SLC9A9: variants seen among roughly 807,000 people sequenced by gnomAD.
SLC9A9 encodes the protein sodium/hydrogen exchanger 9.
In SLC9A9, 62 loss-of-function variants were observed where a neutral mutation model predicts 77.8. That is an observed-to-expected ratio of 0.80 (90% confidence interval 0.65 to 0.98). The LOEUF (loss-of-function observed/expected upper bound fraction) is 0.98, where lower values mean the gene tolerates loss of function less well. SLC9A9 is among the 50% of genes least tolerant of loss of function. The pLI is 0.00. For missense variants in SLC9A9, 775 were observed against 774.9 expected, an observed-to-expected ratio of 1.00 and a Z score of 0.00; for synonymous variants, 320 against 283.5, an observed-to-expected ratio of 1.13 and a Z score of -1.29.
At chr3:143,404,923 G>T (rs373782404) in intron 12 of SLC9A9, among the ~76,000 whole-genome samples, 1 of 152,154 alleles carries the variant, frequency 6.6e-6, no homozygotes, top group Non-Finnish European at 1.5e-5. Flanking sequence ...TGTTCAGTTC[G>T]TGTTATTTTG....
intron 9 of SLC9A9, among the ~76,000 whole-genome samples, chr3:143,519,231 T>G (rs1220532502): frequency 6.6e-6 from 1 of 152,090 alleles, no homozygotes; most frequent in Non-Finnish European, 1.5e-5. Context: ...GGAGATCAAA[T>G]GTTGAGGTAG....
chr3:143,821,601 G>T (rs1046311095), intron 2 of SLC9A9, among the ~76,000 whole-genome samples: 10 of 152,156 alleles, frequency 6.6e-5, no homozygotes, highest in African/African-American at 2.4e-4. Flanking sequence ...ATGAAATTAG[G>T]TAAGCCTGTA....
chr3:143,703,510 T>C (rs9855799), intron 4 of SLC9A9, among the ~76,000 whole-genome samples: 74,786 of 151,452 alleles, frequency 0.49, 19,096 homozygotes, highest in Non-Finnish European at 0.57. Context: ...AAAAATTTCT[T>C]GAAACAAATG....
chr3:143,351,524 A>G (rs575481581), intron 14 of SLC9A9, among the ~76,000 whole-genome samples: 1 of 152,176 alleles, frequency 6.6e-6, no homozygotes, highest in Non-Finnish European at 1.5e-5. Context: ...TGGAAGGTCA[A>G]GGAGAGGGAT....
Position 143,281,834 on chromosome 3 carries a change from C to T in SLC9A9, c.1605-12854G>A, listed in dbSNP as rs146335460. Among the ~76,000 whole-genome samples, 646 of 152,326 alleles carry T rather than the reference C, an allele frequency of 4.2e-3. 1 individual carries two copies. Among genetic ancestry groups the T allele is most frequent in the African/African-American group, 0.015 (626 of 41,568 alleles). ...TGGTTGAGATCAGAGGCCTCCATCA[C>T]GGTTACGTCCTTGCTAGATACTAGA... is the stretch of plus-strand genomic sequence containing the variant. On this transcript the variant is annotated intron_variant, in intron 14 of 15. Transcript: ENST00000316549.
intron 12 of SLC9A9, among the ~76,000 whole-genome samples, chr3:143,389,610 C>T (rs1328971341): frequency 1.3e-5 from 2 of 152,214 alleles, no homozygotes; most frequent in Admixed American, 1.3e-4. Context: ...GATCTGAGCA[C>T]TTCTATTGTG....
chr3:143,762,269 A>G (rs570701619), intron 4 of SLC9A9, among the ~76,000 whole-genome samples: 1 of 152,326 alleles, frequency 6.6e-6, no homozygotes, highest in South Asian at 2.1e-4. Context: ...GCAGCACACC[A>G]ACATGGCACA....
In SLC9A9 at chr3:143,326,537, C is replaced by T. The variant is rs184241470; in HGVS notation, c.1604+36947G>A. Among the ~76,000 whole-genome samples the T allele has an allele frequency of 1.9e-3, 286 of 152,198 alleles. 1 individual carries two copies. Among genetic ancestry groups the T allele is most frequent in the African/African-American group, 5.5e-3 (227 of 41,520 alleles). ...AGCTCCCCTCTACAACGTGCCCCCT[C>T]CCCCCAGGCCTTTGCATGTGCTGGT... On this transcript the variant is annotated intron_variant, in intron 14 of 15. Coordinates refer to ENST00000316549, the MANE Select transcript of SLC9A9 (RefSeq NM_173653.4).
In SLC9A9 at chr3:143,694,619, T is replaced by C. The variant is rs949572755; in HGVS notation, c.534-1312A>G. 3.9e-5 allele frequency among the ~76,000 whole-genome samples: 6 copies of C among 152,290 alleles called. No individual in the cohort carries two copies. The South Asian group carries it at 1.2e-3, about 32-fold the overall frequency. On this transcript the variant is annotated intron_variant, in intron 4 of 15. Coordinates refer to ENST00000316549, the MANE Select transcript of SLC9A9 (RefSeq NM_173653.4). ...TCGTATTTTTAGCAAGAAAACTGAA[T>C]ATAGTGTGATGAAGTAATTTGCTTA...
At chr3:143,617,955 C>T (rs1880662) in intron 6 of SLC9A9, among the ~76,000 whole-genome samples, 18,799 of 151,370 alleles carry the variant, frequency 0.12, 1,470 homozygotes, top group Non-Finnish European at 0.18. Context: ...GAATGGACTA[C>T]AGGAGAGAGA....
At chr3:143,489,020 A>G (rs1363471905) in intron 11 of SLC9A9, among the ~76,000 whole-genome samples, 7 of 152,016 alleles carry the variant, frequency 4.6e-5, no homozygotes, top group Admixed American at 2.6e-4. Flanking sequence ...GTTAAACCTA[A>G]TAAATGAATT....
intron 4 of SLC9A9, among the ~76,000 whole-genome samples, chr3:143,785,845 CTTTT>C (rs57552730): frequency 8.8e-5 from 10 of 113,004 alleles, no homozygotes; most frequent in East Asian, 2.4e-4. Context: ...TTGAATTTTT[CTTTT>C]TTTTTTTTTT....
chr3:143,718,379 G>C (rs143979273), intron 4 of SLC9A9, among the ~76,000 whole-genome samples: 1 of 151,654 alleles, frequency 6.6e-6, no homozygotes, highest in East Asian at 1.9e-4. Context: ...TTGCATACTT[G>C]TTTCATGATT....
At chr3:143,757,467 G>A (rs113789937) in intron 4 of SLC9A9, among the ~76,000 whole-genome samples, 163 of 152,218 alleles carry the variant, frequency 1.1e-3, no homozygotes, top group African/African-American at 3.9e-3. Flanking sequence ...TAAATAATCA[G>A]TCTATTTCAC....
intron 5 of SLC9A9, among the ~76,000 whole-genome samples, chr3:143,663,468 G>A (rs1328107772): frequency 2.0e-5 from 3 of 152,242 alleles, no homozygotes; most frequent in Non-Finnish European, 4.4e-5. Context: ...GAACGAATTC[G>A]ACGAGTTGAT....
At chr3:143,705,385 TTAACA>T (rs1419937144) in intron 4 of SLC9A9, among the ~76,000 whole-genome samples, 1 of 152,098 alleles carries the variant, frequency 6.6e-6, no homozygotes, top group Non-Finnish European at 1.5e-5. Flanking sequence ...CTCATATTTG[TTAACA>T]TAACAGGGTG....
chr3:143,500,505 T>G (rs914798831), intron 9 of SLC9A9, among the ~76,000 whole-genome samples: 14 of 152,174 alleles, frequency 9.2e-5, no homozygotes, highest in African/African-American at 3.1e-4. Context: ...GTTTAACCTG[T>G]TTTTATTTAG....
At chr3:143,790,370 G>A (rs370822308) in intron 4 of SLC9A9, among the ~76,000 whole-genome samples, 31 of 152,316 alleles carry the variant, frequency 2.0e-4, no homozygotes, top group African/African-American at 7.5e-4. Context: ...AGAAAAGACA[G>A]GTTTGAATTC....
At chr3:143,336,999 A>G (rs1401050146) in intron 14 of SLC9A9, among the ~76,000 whole-genome samples, 1 of 152,200 alleles carries the variant, frequency 6.6e-6, no homozygotes, top group Non-Finnish European at 1.5e-5. Flanking sequence ...GGCAGGGACC[A>G]TGGTTTGCTA....
Sources: gnomAD v4.1 joint callset for allele counts (sites outside exome capture counted in the v4.1 genomes callset) on GRCh38, gnomAD v4.1.1 for gene constraint, MANE v1.5 for transcripts, NCBI Gene and HGNC (gene_info 2026-07-23, HGNC 2026-07-21) for gene names.